The following COL18A1 variants were observed in gnomAD, a reference collection of about 807,000 sequenced individuals.
COL18A1 encodes collagen alpha-1(XVIII) chain.
COL18A1 carries 133 observed loss-of-function variants against 168.0 expected under a neutral mutation model. That is an observed-to-expected ratio of 0.79 (90% CI 0.69 to 0.91). COL18A1 has a LOEUF of 0.91. Ranked by LOEUF, COL18A1 falls within the 40% of genes least tolerant of loss-of-function variation. The probability of loss-of-function intolerance (pLI) is 0.00; values close to 1 mark genes in which losing one functional copy is unlikely to be tolerated. For missense variants in COL18A1, 2,126 were observed against 1,925.4 expected, an observed-to-expected ratio of 1.10 and a Z score of -1.95; for synonymous variants, 949 against 809.0, an observed-to-expected ratio of 1.17 and a Z score of -2.94.
rs2123483673 is a variant in COL18A1 at position 45,405,415 on chromosome 21, G to A, written c.48G>A (p.Leu16=). The part of the protein sequence containing the change: ...PWPWPRRRRL[L]DVLAPLVLLL... ...CATGGCCGCGGCGGCGGCGCCTCCT[G>A]GACGTGCTCGCGCCCCTGGTCCTGC... is the stretch of plus-strand genomic sequence containing the variant. The change falls in exon 2 of 42, where the codon CTG becomes CTA. Residue 16 remains leucine (L), a synonymous_variant. Transcript: ENST00000651438. The A allele has an allele frequency of 7.4e-7, 1 of 1,355,590 alleles. No homozygotes were observed. Among genetic ancestry groups the A allele is most frequent in the Non-Finnish European group, 9.6e-7 (1 of 1,046,702 alleles). 84.0% of individuals were successfully genotyped at this position (1,355,590 alleles called of 1,614,324 possible).
In COL18A1 at chr21:45,504,506, C is replaced by A. The variant is rs759572850; in HGVS notation, c.2818C>A (p.Pro940Thr). ...TTTCTTCGGCTCCAGCCTGCCCGGC[C>A]CCCCCGGCCCCCCAGGCCCCCCAGG... ...GGFFGSSLPGPPGPPGPPGPR... is the reference protein window; with the variant it reads ...GGFFGSSLPGTPGPPGPPGPR... Residue 940 changes from proline (P) to threonine (T), a missense_variant, in exon 34 of 42, where the codon CCC becomes ACC. Pro to Thr is a conservative substitution (Grantham distance 38). Coordinates refer to ENST00000651438, the MANE Select transcript of COL18A1 (RefSeq NM_001379500.1). The A allele has an allele frequency of 2.4e-5, 34 of 1,396,392 alleles. No homozygotes were observed. In the Admixed American group the frequency reaches 2.5e-4, roughly 10 times the overall value. The allele number at this position is 1,396,392 out of a possible 1,614,324, so 86.5% of individuals were successfully genotyped here.
intron 2 of COL18A1, 53 bp from the exon 3 acceptor site, chr21:45,468,189 G>T: frequency 6.2e-7 from 1 of 1,600,546 alleles, no homozygotes; most frequent in Non-Finnish European, 8.5e-7. Context: ...CGCGTCGGTG[G>T]CCCCTGGTTC....
At chr21:45,492,213 C>T (rs2145989620) in intron 22 of COL18A1, among the ~76,000 whole-genome samples, 1 of 152,306 alleles carries the variant, frequency 6.6e-6, no homozygotes, top group African/African-American at 2.4e-5. Context: ...ACGGTCAAGA[C>T]ATCAGAACAT....
intron 2 of COL18A1, among the ~76,000 whole-genome samples, chr21:45,465,693 A>G (rs568916475): frequency 6.6e-6 from 1 of 152,130 alleles, no homozygotes; most frequent in Admixed American, 6.5e-5. Flanking sequence ...GCAGCCTTGG[A>G]TCTTGTCCTC....
In COL18A1 at chr21:45,468,512, C is replaced by T. The variant is rs867910077; in HGVS notation, c.377C>T (p.Ser126Phe). 6.2e-7 allele frequency: 1 copy of T among 1,613,638 alleles called. No homozygotes were observed. Among genetic ancestry groups the T allele is most frequent in the Non-Finnish European group, 8.5e-7 (1 of 1,179,986 alleles). The change falls in exon 3 of 42, where the codon TCT (serine) becomes TTT (phenylalanine). Residue 126 changes from serine (S) to phenylalanine (F), a missense_variant. Transcript: ENST00000651438. ...QAMVLLGVKL[S>F]GVQDGHQDIS... ...ATGGTCTTGCTGGGCGTGAAGCTCTCTGGGGTGCAGGACGGGCACCAGGAC... is the reference window on the plus strand; with the variant it reads ...ATGGTCTTGCTGGGCGTGAAGCTCTTTGGGGTGCAGGACGGGCACCAGGAC...
intron 38 of COL18A1, among the ~76,000 whole-genome samples, chr21:45,508,222 G>T (rs1220172793): frequency 6.8e-6 from 1 of 146,740 alleles, no homozygotes. Context: ...GAATGGGTGG[G>T]TGGATAGTGG....
intron 26 of COL18A1, 183 bp downstream of exon 26, chr21:45,493,758 G>T (rs1045942830): frequency 3.3e-6 from 2 of 603,940 alleles, no homozygotes; most frequent in Non-Finnish European, 5.9e-6. Context: ...CGGTTCCGCC[G>T]GCCCCTCGTC....
chr21:45,429,385 C>T (rs1468500812), intron 2 of COL18A1, among the ~76,000 whole-genome samples: 2 of 151,832 alleles, frequency 1.3e-5, no homozygotes, highest in Non-Finnish European at 2.9e-5. Flanking sequence ...TCAGCGATGG[C>T]TGCTGCAGGT....
At chr21:45,500,302 G>A (rs1400060261) in intron 32 of COL18A1, among the ~76,000 whole-genome samples, 13 of 107,394 alleles carry the variant, frequency 1.2e-4, no homozygotes, top group African/African-American at 3.0e-4. Context: ...GAGTGTATAT[G>A]TGGGTGTGTA....
chr21:45,488,328 G>C, intron 17 of COL18A1, 90 bp from the exon 18 acceptor site: 1 of 1,555,794 alleles, frequency 6.4e-7, no homozygotes, highest in Non-Finnish European at 8.9e-7. Flanking sequence ...TTGAAGTCTT[G>C]ACTGTTACTA....
chr21:45,454,709 C>T (rs1364055349), intron 2 of COL18A1, among the ~76,000 whole-genome samples: 1 of 152,230 alleles, frequency 6.6e-6, no homozygotes, highest in East Asian at 1.9e-4. Flanking sequence ...GCCTGGGCAG[C>T]TGGCGGGGGG....
chr21:45,456,803 G>T, intron 2 of COL18A1: 1 of 1,538,820 alleles, frequency 6.5e-7, no homozygotes, highest in South Asian at 1.2e-5. Flanking sequence ...CCGCCTGGGC[G>T]GGGGCCGGCT....
intron 2 of COL18A1, among the ~76,000 whole-genome samples, chr21:45,453,148 G>A (rs1326478025): frequency 6.6e-6 from 1 of 151,836 alleles, no homozygotes; most frequent in Non-Finnish European, 1.5e-5. Context: ...GTATTCACAT[G>A]TGACATGTGT....
chr21:45,477,339 T>C lies in COL18A1; in HGVS notation c.929-72T>C, dbSNP rs2236463. 0.099 allele frequency: 128,542 copies of C among 1,296,498 alleles called. 7,404 individuals carry two copies. The highest frequency in any genetic ancestry group is 0.21 in the East Asian group (8,438 of 39,992). The allele number at this position is 1,296,498 out of a possible 1,614,324, so 80.3% of individuals were successfully genotyped here. The stretch of plus-strand genomic sequence containing the variant: ...GAAAGCGTTTGGGCTGCCGGGGCCG[T>C]CTGGGGTGCCGAGAGCAGAGCTGGG... On this transcript the variant is annotated intron_variant, in intron 6 of 41. Coordinates refer to ENST00000651438, the MANE Select transcript of COL18A1 (RefSeq NM_001379500.1).
At chr21:45,426,019 G>A (rs1024870645) in intron 2 of COL18A1, among the ~76,000 whole-genome samples, 2 of 151,998 alleles carry the variant, frequency 1.3e-5, no homozygotes, top group Admixed American at 6.6e-5. Context: ...CCCCCGCCCC[G>A]CCCCCTCCTG....
At position 45,496,664 on chromosome 21, in the gene COL18A1, G is replaced by A. The variant is rs1323712893; in HGVS notation, c.2577+96G>A. 35 of 775,188 alleles carry A rather than the reference G, an allele frequency of 4.5e-5. 1 individual carries two copies. Among genetic ancestry groups the A allele is most frequent in the South Asian group, 2.0e-4 (15 of 74,102 alleles). 48.0% of individuals were successfully genotyped at this position (775,188 alleles called of 1,614,324 possible). A position where few individuals can be genotyped will look rare whatever the true frequency, so the allele number is the denominator to read the frequency against. On this transcript the variant is annotated intron_variant, in intron 30 of 41. Coordinates refer to ENST00000651438, the MANE Select transcript of COL18A1 (RefSeq NM_001379500.1). ...GGCCTTCTTCTCCCCTGGCCTCTGC[G>A]TCTGGGGGTCCTTCTAGGATGTGCC... is the stretch of plus-strand genomic sequence containing the variant.
rs759002395 is a variant in COL18A1 at position 45,473,889 on chromosome 21, A to G, written c.652-6A>G. 4.4e-6 allele frequency: 7 copies of G among 1,595,364 alleles called. No homozygotes were observed. The highest frequency in any genetic ancestry group is 5.1e-6 in the Non-Finnish European group (6 of 1,171,322). On this transcript the variant is annotated splice_polypyrimidine_tract_variant and splice_region_variant and intron_variant, in intron 3 of 41. Coordinates refer to ENST00000651438, the MANE Select transcript of COL18A1 (RefSeq NM_001379500.1). This position sits in a 1 kb window ranked among gnomAD's most constrained non-coding sequence, Gnocchi z 4.0. ...GCTGGTGACCCCTTTCTCTGTCTGC[A>G]TTTAGGGGGTGATCGCTGAGCTGAA...
intron 2 of COL18A1, among the ~76,000 whole-genome samples, chr21:45,458,870 G>A (rs1368968524): frequency 2.6e-5 from 4 of 152,232 alleles, no homozygotes; most frequent in African/African-American, 9.6e-5. Context: ...CAGCCTCAGG[G>A]AAGGTGCCGG....
Position 45,506,305 on chromosome 21 carries a change from G to GC in COL18A1, c.3216+340dup, listed in dbSNP as rs558586163. 6.8e-4 allele frequency: 254 copies of GC among 373,066 alleles called. 1 individual carries two copies. Among genetic ancestry groups the GC allele is most frequent in the African/African-American group, 4.8e-3 (227 of 47,696 alleles). The allele number at this position is 373,066 out of a possible 1,614,324, so 23.1% of individuals were successfully genotyped here. On this transcript the variant is annotated intron_variant, in intron 37 of 41. Coordinates refer to ENST00000651438, the MANE Select transcript of COL18A1 (RefSeq NM_001379500.1). ...CCTGACGGGACGAGGCGGCAGGGGG[G>GC]CTCAGGCCCTCCAGGGCCACGTGAC... is the stretch of plus-strand genomic sequence containing the variant.
Sources: gnomAD v4.1 joint callset for allele counts (sites outside exome capture counted in the v4.1 genomes callset) on GRCh38, gnomAD v4.1.1 for gene constraint, Gnocchi (gnomAD v3.1) non-coding constraint, MANE v1.5 for transcripts, NCBI Gene and HGNC (gene_info 2026-07-23, HGNC 2026-07-21) for gene names.